Variants in SCNN1B observed in about 807,000 individuals in gnomAD.
SCNN1B encodes epithelial sodium channel subunit beta.
Under a neutral mutation model 65.3 loss-of-function variants are expected in SCNN1B, and 46 were observed. That is an observed-to-expected ratio of 0.70 (90% CI 0.56 to 0.90). The LOEUF is 0.90. SCNN1B is among the 40% of genes least tolerant of loss of function. SCNN1B has a pLI of 0.00. For synonymous variants in SCNN1B, 349 were observed against 330.6 expected, an observed-to-expected ratio of 1.06 and a Z score of -0.60; for missense variants, 751 against 830.5, an observed-to-expected ratio of 0.90 and a Z score of 1.18.
chr16:23,281,417 A>C (rs1405665319), intron 1 of SCNN1B, among the ~76,000 whole-genome samples: 1 of 152,180 alleles, frequency 6.6e-6, no homozygotes, highest in African/African-American at 2.4e-5. Flanking sequence ...TGGGTGACAG[A>C]GCAAGACTCT....
Position 23,355,437 on chromosome 16 carries a change from G to A in SCNN1B, c.724G>A (p.Gly242Ser), listed in dbSNP as rs757755874. The A allele has an allele frequency of 3.1e-5, 50 of 1,614,054 alleles. No homozygotes were observed. Among genetic ancestry groups the A allele is most frequent in the Non-Finnish European group, 4.1e-5 (48 of 1,180,040 alleles). ...QQELVEMSYP[G>S]EQMILACLFG... ...GGAGCTAGTAGAGATGAGCTACCCC[G>A]GCGAGCAGATGATCCTGGCCTGCCT... Residue 242 changes from glycine (G) to serine (S), a missense_variant, in exon 4 of 13, where the codon GGC (glycine) becomes AGC (serine). By Grantham distance (56) the Gly-to-Ser change is moderately conservative (BLOSUM62 0). Coordinates refer to ENST00000343070, the MANE Select transcript of SCNN1B (RefSeq NM_000336.3).
chr16:23,375,958 G>C, intron 8 of SCNN1B, 103 bp downstream of exon 8: 2 of 838,672 alleles, frequency 2.4e-6, no homozygotes, highest in East Asian at 5.0e-5. Flanking sequence ...AGAGTCCAGA[G>C]ATGTGCCCAG....
In SCNN1B at chr16:23,353,001, A is replaced by C. The variant is rs1199203072; in HGVS notation, c.512A>C (p.His171Pro). ...GTCCTTGATCTCTTTGGAGACAACC[A>C]CAATGGCTTAACAAGCAGCTCAGCA... Reference protein sequence around the residue: ...PMVLDLFGDNHNGLTSSSASE... With the variant: ...PMVLDLFGDNPNGLTSSSASE... The change falls in exon 3 of 13, where the codon CAC (histidine) becomes CCC (proline). Residue 171 changes from histidine to proline, a missense_variant. His to Pro is a moderately conservative substitution (Grantham distance 77). Coordinates refer to ENST00000343070, the MANE Select transcript of SCNN1B (RefSeq NM_000336.3). The C allele has an allele frequency of 1.2e-6, 2 of 1,614,058 alleles. No individual in the cohort carries two copies. The highest frequency in any genetic ancestry group is 3.3e-5 in the Admixed American group (2 of 59,998).
intron 2 of SCNN1B, among the ~76,000 whole-genome samples, 168 bp downstream of exon 2, chr16:23,349,078 CT>C (rs1344647189): frequency 6.8e-6 from 1 of 148,118 alleles, no homozygotes; most frequent in African/African-American, 2.5e-5. Flanking sequence ...CTTTTCCTTC[CT>C]TCTTCTTCCC....
At chr16:23,290,555 G>A (rs1413863873) in intron 2 of SCNN1B, among the ~76,000 whole-genome samples, 1 of 152,118 alleles carries the variant, frequency 6.6e-6, no homozygotes, top group African/African-American at 2.4e-5. Context: ...CAATCCTCTT[G>A]CCTTGGCATT....
At chr16:23,312,478 G>A (rs1961366068) in intron 1 of SCNN1B, among the ~76,000 whole-genome samples, 1 of 152,082 alleles carries the variant, frequency 6.6e-6, no homozygotes, top group Non-Finnish European at 1.5e-5. Context: ...AGCAAGCCAA[G>A]TGCACAGCAT....
chr16:23,325,877 A>G (rs1276973657), intron 1 of SCNN1B, among the ~76,000 whole-genome samples: 2 of 149,360 alleles, frequency 1.3e-5, no homozygotes, highest in Non-Finnish European at 3.0e-5. Flanking sequence ...ACATAGTGAG[A>G]CCCTGTCTCT....
At chr16:23,311,104 A>G (rs2141985277) in intron 1 of SCNN1B, among the ~76,000 whole-genome samples, 2 of 152,348 alleles carry the variant, frequency 1.3e-5, no homozygotes, top group Admixed American at 1.3e-4. Flanking sequence ...CACATACCCT[A>G]TGAATCTGCC....
chr16:23,362,516 C>T (rs1158785749), intron 4 of SCNN1B, among the ~76,000 whole-genome samples: 1 of 152,148 alleles, frequency 6.6e-6, no homozygotes, highest in Non-Finnish European at 1.5e-5. Context: ...CTAGGATGCT[C>T]TATTTCCCAG....
At chr16:23,310,105 C>T (rs936350277) in intron 1 of SCNN1B, among the ~76,000 whole-genome samples, 8 of 152,040 alleles carry the variant, frequency 5.3e-5, no homozygotes, top group Non-Finnish European at 1.5e-5. Context: ...GACAAGGCAC[C>T]GTGGCTCACA....
At position 23,348,097 on chromosome 16, in the gene SCNN1B, A is replaced by G. The variant is rs1273235640; in HGVS notation, c.-8-495A>G. Among the ~76,000 whole-genome samples, 1 of 152,158 alleles carries G rather than the reference A, an allele frequency of 6.6e-6. No homozygotes were observed. Among genetic ancestry groups the G allele is most frequent in the African/African-American group, 2.4e-5 (1 of 41,436 alleles). On this transcript the variant is annotated intron_variant, in intron 1 of 12. Transcript: ENST00000343070. The surrounding 1 kb of genome is among the most constrained non-coding windows in gnomAD (Gnocchi z 4.5). The stretch of plus-strand genomic sequence containing the variant: ...CAGTCACACTCACTCACCTGGGACC[A>G]TGCAGACACATCATGGGGAGGACAT...
At position 23,352,893 on chromosome 16, in the gene SCNN1B, A is replaced by G. The variant is rs777224245; in HGVS notation, c.404A>G (p.Asn135Ser). The change falls in exon 3 of 13, where the codon AAT becomes AGT. Residue 135 changes from asparagine to serine, a missense_variant. By Grantham distance (46) the Asn-to-Ser change is conservative. Transcript: ENST00000343070. ...CTGGCTCCTGAGCTAAGCCATGCCA[A>G]TGCCACCAGGAACCTGAACTTCTCC... ...RILAPELSHA[N>S]ATRNLNFSIW... 4.3e-6 allele frequency: 7 copies of G among 1,614,094 alleles called. No individual in the cohort carries two copies. Among genetic ancestry groups the G allele is most frequent in the East Asian group, 2.2e-5 (1 of 44,902 alleles).
At chr16:23,285,926 A>G (rs1005912069) in intron 2 of SCNN1B, among the ~76,000 whole-genome samples, 1 of 152,152 alleles carries the variant, frequency 6.6e-6, no homozygotes, top group Non-Finnish European at 1.5e-5. Context: ...GTGAGCCAAG[A>G]TCGAGCCACT....
chr16:23,321,786 T>G (rs116011688), intron 1 of SCNN1B, among the ~76,000 whole-genome samples: 413 of 151,946 alleles, frequency 2.7e-3, no homozygotes, highest in African/African-American at 9.8e-3. Context: ...GCTTTGGGAG[T>G]CCGAAGCAAG....
At chr16:23,298,316 G>A (rs1961025992), upstream of SCNN1B, among the ~76,000 whole-genome samples, 1 of 152,184 alleles carries the variant, frequency 6.6e-6, no homozygotes, top group South Asian at 2.1e-4. Flanking sequence ...CTAGCTGGTG[G>A]TGGAAGAAAA....
intron 1 of SCNN1B, among the ~76,000 whole-genome samples, chr16:23,331,586 C>T (rs1394029466): frequency 6.6e-6 from 1 of 152,124 alleles, no homozygotes; most frequent in Non-Finnish European, 1.5e-5. Flanking sequence ...TCCCAGAGTG[C>T]TGGGATTACA....
intron 2 of SCNN1B, among the ~76,000 whole-genome samples, chr16:23,291,477 T>TAA (rs1960924009): frequency 1.2e-5 from 1 of 84,278 alleles, no homozygotes; most frequent in Non-Finnish European, 2.3e-5. Context: ...TGTGTGTAAG[T>TAA]GTGTGTGTGT....
intron 1 of SCNN1B, among the ~76,000 whole-genome samples, chr16:23,281,117 G>A (rs562496573): frequency 1.2e-4 from 19 of 152,194 alleles, no homozygotes; most frequent in Non-Finnish European, 1.2e-4. Context: ...GGGAAGAACA[G>A]TAATAGCCAT....
At chr16:23,297,858 TA>T (rs2141973450), upstream of SCNN1B, among the ~76,000 whole-genome samples, 1 of 152,292 alleles carries the variant, frequency 6.6e-6, no homozygotes, top group Admixed American at 6.5e-5. Flanking sequence ...ACCCCAGAGC[TA>T]AACTAAGTGC....
Sources: allele counts gnomAD v4.1 joint callset (sites outside exome capture counted in the v4.1 genomes callset), GRCh38; gene constraint gnomAD v4.1.1; non-coding constraint Gnocchi (gnomAD v3.1); transcripts MANE v1.5; gene names NCBI Gene and HGNC (gene_info 2026-07-23, HGNC 2026-07-21).